ARHGEF18: variants seen among roughly 807,000 people sequenced by gnomAD.
ARHGEF18 encodes Rho/Rac guanine nucleotide exchange factor 18.
A neutral mutation model predicts 155.7 loss-of-function variants in ARHGEF18; 93 were observed. The ratio of observed to expected loss-of-function variants is 0.60; its 90% CI spans 0.50 to 0.71. ARHGEF18 has a LOEUF of 0.71. Among genes scored for constraint, ARHGEF18 ranks in the 30% least tolerant of loss-of-function variants. The pLI is 0.00. For missense variants in ARHGEF18, 1,593 were observed against 1,816.1 expected, an observed-to-expected ratio of 0.88 and a Z score of 2.23; for synonymous variants, 742 against 753.1, an observed-to-expected ratio of 0.99 and a Z score of 0.24.
At chr19:7,382,189 G>A (rs1970777786) in intron 8 of ARHGEF18, among the ~76,000 whole-genome samples, 1 of 151,908 alleles carries the variant, frequency 6.6e-6, no homozygotes, top group South Asian at 2.1e-4. Context: ...GAGGCAGATG[G>A]ATCACCTAAG....
intron 2 of ARHGEF18, among the ~76,000 whole-genome samples, chr19:7,370,824 A>G (rs1178535255): frequency 6.6e-6 from 1 of 152,176 alleles, no homozygotes; most frequent in Admixed American, 6.5e-5. Flanking sequence ...AACCAGACAC[A>G]AAAGGATAAA....
intron 10 of ARHGEF18, among the ~76,000 whole-genome samples, chr19:7,385,078 G>T (rs1375337719): frequency 6.6e-6 from 1 of 152,142 alleles, no homozygotes; most frequent in Non-Finnish European, 1.5e-5. Flanking sequence ...CTTTTCCCTG[G>T]CACCTTGTTC....
chr19:7,395,125 C>T lies in ARHGEF18; in HGVS notation c.967+11922C>T. On this transcript the variant is annotated intron_variant, in intron 10 of 28. Transcript: ENST00000668164. The surrounding 1 kb of genome is among the most constrained non-coding windows in gnomAD (Gnocchi z 5.0). Reference sequence around the variant, plus strand: ...ATGCGCTGCTCTCCTCGCGCGGCTTCCCGCTTCCGGCTCCCAGCTGCTAGC... The same window carrying T: ...ATGCGCTGCTCTCCTCGCGCGGCTTTCCGCTTCCGGCTCCCAGCTGCTAGC... 1 of 985,558 alleles carries T rather than the reference C, an allele frequency of 1.0e-6. No individual in the cohort carries two copies. Among genetic ancestry groups the T allele is most frequent in the Non-Finnish European group, 1.2e-6 (1 of 830,008 alleles). 61.1% of individuals were successfully genotyped at this position (985,558 alleles called of 1,614,324 possible). A position where few individuals can be genotyped will look rare whatever the true frequency, so the allele number is the denominator to read the frequency against.
chr19:7,466,891 T>C (rs1424339817), intron 23 of ARHGEF18, 27 bp from the exon 24 acceptor site: 2 of 1,610,144 alleles, frequency 1.2e-6, no homozygotes, highest in Admixed American at 3.3e-5. Context: ...AGCCACTCTC[T>C]CTGGTTTGAC....
At chr19:7,351,158 A>C (rs1014676434) in intron 1 of ARHGEF18, among the ~76,000 whole-genome samples, 8 of 152,300 alleles carry the variant, frequency 5.3e-5, no homozygotes, top group Non-Finnish European at 1.2e-4. Flanking sequence ...GTAATAGATC[A>C]GAAAACATTG....
At chr19:7,438,496 C>T (rs1302970953) in intron 10 of ARHGEF18, among the ~76,000 whole-genome samples, 4 of 151,278 alleles carry the variant, frequency 2.6e-5, no homozygotes, top group African/African-American at 7.3e-5. Flanking sequence ...ACCACAACCT[C>T]CACCTCCGGG....
intron 10 of ARHGEF18, among the ~76,000 whole-genome samples, chr19:7,404,291 G>A (rs1362873854): frequency 1.3e-5 from 2 of 152,178 alleles, no homozygotes; most frequent in Non-Finnish European, 2.9e-5. Context: ...CCTGGCTCCA[G>A]GGAGCCAGTT....
At chr19:7,443,319 T>C (rs1189718122) in intron 13 of ARHGEF18, among the ~76,000 whole-genome samples, 1 of 152,082 alleles carries the variant, frequency 6.6e-6, no homozygotes, top group African/African-American at 2.4e-5. Context: ...CCTCCCAAAA[T>C]GCTAGGATTA....
chr19:7,371,746 G>A (rs1223223447), intron 2 of ARHGEF18, among the ~76,000 whole-genome samples: 5 of 151,940 alleles, frequency 3.3e-5, no homozygotes, highest in African/African-American at 1.2e-4. Flanking sequence ...ACTTGAACCC[G>A]GGAGGTGAAG....
rs373373716 is a variant in ARHGEF18, at chr19:7,444,552, C to T, written c.1611+98C>T. Reference sequence around the variant, plus strand: ...CTGAGATAGGGTCTTGCCGTGTCGCCCAGGCTGGAGTGCAGTGGTGCAGTC... The same window carrying T: ...CTGAGATAGGGTCTTGCCGTGTCGCTCAGGCTGGAGTGCAGTGGTGCAGTC... On this transcript the variant is annotated intron_variant, in intron 14 of 28. Transcript: ENST00000668164. The surrounding 1 kb of genome is among the most constrained non-coding windows in gnomAD (Gnocchi z 4.7). The T allele has an allele frequency of 2.7e-6, 4 of 1,494,382 alleles. No homozygotes were observed. Among genetic ancestry groups the T allele is most frequent in the Non-Finnish European group, 3.6e-6 (4 of 1,120,100 alleles). The allele number at this position is 1,494,382 out of a possible 1,614,324, so 92.6% of individuals were successfully genotyped here. A position where few individuals can be genotyped will look rare whatever the true frequency, so the allele number is the denominator to read the frequency against.
chr19:7,462,038 C>A lies in ARHGEF18; in HGVS notation c.2453-114C>A. 3 of 1,227,890 alleles carry A rather than the reference C, an allele frequency of 2.4e-6. No individual in the cohort carries two copies. The highest frequency in any genetic ancestry group is 3.5e-6 in the Non-Finnish European group (3 of 849,866). 76.1% of individuals were successfully genotyped at this position (1,227,890 alleles called of 1,614,324 possible). ...AGGAATGCAGGACACAAGGGGGCAG[C>A]CTACCTCAGGGCAGGGCCAGCGGGG... is the stretch of plus-strand genomic sequence containing the variant. On this transcript the variant is annotated intron_variant, in intron 20 of 28. Transcript: ENST00000668164. The surrounding 1 kb of genome is among the most constrained non-coding windows in gnomAD (Gnocchi z 4.4).
chr19:7,352,832 C>CTTTAT (rs1969191360), intron 1 of ARHGEF18, among the ~76,000 whole-genome samples: 2 of 49,876 alleles, frequency 4.0e-5, no homozygotes, highest in Non-Finnish European at 6.8e-5. Flanking sequence ...CGTGCCTGGC[C>CTTTAT]TTTTTTTTTT....
At chr19:7,434,381 T>C (rs1002365411) in intron 10 of ARHGEF18, among the ~76,000 whole-genome samples, 5 of 152,154 alleles carry the variant, frequency 3.3e-5, no homozygotes, top group Non-Finnish European at 1.5e-5. Flanking sequence ...TTGCTGAGAA[T>C]AGGGTATATT....
At chr19:7,455,279 C>T (rs1975758158) in intron 17 of ARHGEF18, among the ~76,000 whole-genome samples, 1 of 152,112 alleles carries the variant, frequency 6.6e-6, no homozygotes. Flanking sequence ...AGTCACTGGG[C>T]TGAAAGAGAG....
At chr19:7,397,886 TTTAA>T (rs1003411683) in intron 10 of ARHGEF18, among the ~76,000 whole-genome samples, 2 of 152,180 alleles carry the variant, frequency 1.3e-5, no homozygotes, top group African/African-American at 4.8e-5. Context: ...TTTTTGTTTT[TTTAA>T]CTGACAGATA....
At chr19:7,479,749 G>A in the ARHGEF18 span, among the ~76,000 whole-genome samples, 1 of 152,214 alleles carries the variant, frequency 6.6e-6, no homozygotes, top group Non-Finnish European at 1.5e-5. Flanking sequence ...TGCAAGGGGG[G>A]ACACGTGTCA....
chr19:7,453,544 G>A lies in ARHGEF18; in HGVS notation c.1933G>A (p.Val645Ile), dbSNP rs147917677. 2 of 1,614,114 alleles carry A rather than the reference G, an allele frequency of 1.2e-6. No homozygotes were observed. The highest frequency in any genetic ancestry group is 2.7e-5 in the African/African-American group (2 of 75,060). Residue 645 changes from valine to isoleucine, a missense_variant, in exon 17 of 29, where the codon GTC becomes ATC. Transcript: ENST00000668164. ...TATCATCTCACAAGTGGACGCCAAG[G>A]TCAGTGAGTGTGAGAAGGGCCAGCG... The part of the protein sequence containing the change: ...KDIISQVDAK[V>I]SECEKGQRLR...
intron 10 of ARHGEF18, among the ~76,000 whole-genome samples, chr19:7,422,678 G>A (rs867350223): frequency 1.1e-4 from 17 of 148,812 alleles, no homozygotes; most frequent in East Asian, 3.9e-4. Context: ...CTCAAACACC[G>A]CATCATCAGT....
At chr19:7,427,276 A>G (rs1320908752) in intron 10 of ARHGEF18, among the ~76,000 whole-genome samples, 1 of 152,186 alleles carries the variant, frequency 6.6e-6, no homozygotes, top group Non-Finnish European at 1.5e-5. Context: ...CCCAACGGCA[A>G]GTGTGTCTAC....
Sources: allele counts gnomAD v4.1 joint callset (sites outside exome capture counted in the v4.1 genomes callset), GRCh38; gene constraint gnomAD v4.1.1; non-coding constraint Gnocchi (gnomAD v3.1); transcripts MANE v1.5; gene names NCBI Gene and HGNC (gene_info 2026-07-23, HGNC 2026-07-21).